Variants in ATP11C observed in about 807,000 individuals in gnomAD.
The protein encoded by ATP11C is phospholipid-transporting ATPase IG.
ATP11C carries 36 observed loss-of-function variants against 97.4 expected under a neutral mutation model. The observed-to-expected ratio is 0.37, with a 90% CI of 0.28 to 0.49. ATP11C has a LOEUF of 0.49. Among genes scored for constraint, ATP11C ranks in the 20% least tolerant of loss-of-function variants. ATP11C has a pLI of 0.98. For synonymous variants in ATP11C, 275 were observed against 290.9 expected (o/e 0.95, Z 0.56); for missense variants, 730 against 824.6 (o/e 0.89, Z 1.40).
At chrX:139,928,903 T>C (rs1368516257) in intron 1 of ATP11C, among the ~76,000 whole-genome samples, 7 of 112,215 alleles carry the variant, frequency 6.2e-5, no homozygotes, top group Admixed American at 1.9e-4. Context: ...AAATCTCTTA[T>C]TTTGAATCTT....
chrX:139,820,315 C>T (rs1050312786), intron 2 of ATP11C, among the ~76,000 whole-genome samples: 1 of 110,813 alleles, frequency 9.0e-6, no homozygotes, highest in African/African-American at 3.3e-5. Context: ...ACACGAGAAT[C>T]GCTTGAACCC....
At chrX:139,789,868 AG>A (rs2082652971) in intron 12 of ATP11C, among the ~76,000 whole-genome samples, 1 of 109,951 alleles carries the variant, frequency 9.1e-6, no homozygotes, top group Non-Finnish European at 1.9e-5. Flanking sequence ...CGTCTCTACT[AG>A]AAATACAAAA....
chrX:139,731,613 A>ATT, intron 29 of ATP11C, 38 bp downstream of exon 29: 1 of 943,277 alleles, frequency 1.1e-6, no homozygotes, highest in Non-Finnish European at 1.5e-6. Flanking sequence ...TGTTAATCCG[A>ATT]TTTTTTAAAG....
intron 1 of ATP11C, among the ~76,000 whole-genome samples, chrX:139,874,685 T>C (rs1361248590): frequency 9.3e-6 from 1 of 107,955 alleles, no homozygotes; most frequent in Non-Finnish European, 1.9e-5. Flanking sequence ...CCCAGGGAAC[T>C]TGTTCAAAAT....
At position 139,741,034 on chromosome X, in the gene ATP11C, C is replaced by T; in HGVS notation, c.3091G>A (p.Ala1031Thr). ...INHFVIWGSL[A>T]FYVFFSFFWG... ...AAGAATGAGAAAAATACATAGAAGGCTAAAGAACCCCAAATCACAAAGTGA... is the reference window on the plus strand; with the variant it reads ...AAGAATGAGAAAAATACATAGAAGGTTAAAGAACCCCAAATCACAAAGTGA... The change falls in exon 27 of 30, where the codon GCC becomes ACC. Residue 1031 changes from alanine to threonine, a missense_variant. Ala to Thr is a moderately conservative substitution (Grantham distance 58). Coordinates refer to ENST00000682941, the MANE Select transcript of ATP11C (RefSeq NM_001353812.2). 1 of 1,207,719 alleles carries T rather than the reference C, an allele frequency of 8.3e-7. No homozygotes were observed. The highest frequency in any genetic ancestry group is 1.1e-6 in the Non-Finnish European group (1 of 892,477).
intron 21 of ATP11C, 82 bp downstream of exon 21, chrX:139,763,234 G>A: frequency 1.4e-6 from 1 of 734,187 alleles, no homozygotes; most frequent in Non-Finnish European, 2.0e-6. Context: ...AACCAAAACA[G>A]TCACTCTAGA....
At chrX:139,923,537 T>C (rs973430727) in intron 1 of ATP11C, among the ~76,000 whole-genome samples, 3 of 112,227 alleles carry the variant, frequency 2.7e-5, no homozygotes, top group Middle Eastern at 4.2e-3. Context: ...AAGAAAGCTG[T>C]GATTCACATG....
At chrX:139,879,266 C>G (rs1161394382) in intron 1 of ATP11C, among the ~76,000 whole-genome samples, 1 of 110,315 alleles carries the variant, frequency 9.1e-6, no homozygotes, top group African/African-American at 3.3e-5. Flanking sequence ...TGGTCACAAC[C>G]TAAGTATCCA....
intron 5 of ATP11C, among the ~76,000 whole-genome samples, chrX:139,806,510 T>C (rs991855283): frequency 1.8e-5 from 2 of 111,799 alleles, no homozygotes; most frequent in African/African-American, 6.5e-5. Flanking sequence ...AACTGTTTCA[T>C]AACTGACCAA....
At chrX:139,852,982 G>A (rs1218169114) in intron 1 of ATP11C, among the ~76,000 whole-genome samples, 1 of 111,374 alleles carries the variant, frequency 9.0e-6, no homozygotes, top group Non-Finnish European at 1.9e-5. Context: ...TTGTGGGACA[G>A]GCAAGGCAAG....
intron 28 of ATP11C, chrX:139,732,441 C>G (rs751342602): frequency 2.8e-6 from 1 of 363,215 alleles, no homozygotes; most frequent in Non-Finnish European, 5.3e-6. Flanking sequence ...TCACCTTATT[C>G]ACTCCAAGAG....
chrX:139,803,165 CT>C (rs750938719), intron 6 of ATP11C, among the ~76,000 whole-genome samples: 14 of 112,123 alleles, frequency 1.2e-4, no homozygotes, highest in African/African-American at 4.2e-4. Flanking sequence ...AACAACTTAA[CT>C]GAAAAAAGAA....
rs1268581461 is a variant in ATP11C, at chrX:139,743,608, G to C, written c.2981C>G (p.Thr994Ser). The C allele has an allele frequency of 1.7e-6, 2 of 1,162,848 alleles. No individual in the cohort carries two copies. Among genetic ancestry groups the C allele is most frequent in the Non-Finnish European group, 2.3e-6 (2 of 860,549 alleles). Reference protein sequence around the residue: ...EENGKVYGNWTFGTIVFTVLV... With the variant: ...EENGKVYGNWSFGTIVFTVLV... ...GACTGTAAAAACAATGGTTCCAAAA[G>C]TCCAGTTTCCGTATACCTGAAAAAC... is the stretch of plus-strand genomic sequence containing the variant. The change falls in exon 26 of 30, where the codon ACT becomes AGT. Residue 994 changes from threonine (T) to serine (S), a missense_variant. Physicochemically the swap from Thr to Ser is moderately conservative, Grantham distance 58 (BLOSUM62 1). Transcript: ENST00000682941.
chrX:139,796,187 T>C, intron 12 of ATP11C, 86 bp downstream of exon 12: 1 of 682,035 alleles, frequency 1.5e-6, no homozygotes, highest in Non-Finnish European at 2.0e-6. Context: ...AAATGTGACA[T>C]GGTCACATAT....
intron 27 of ATP11C, among the ~76,000 whole-genome samples, 183 bp from the exon 28 acceptor site, chrX:139,738,252 A>C (rs955991549): frequency 2.7e-5 from 3 of 112,286 alleles, no homozygotes; most frequent in African/African-American, 9.7e-5. Context: ...TTTGGAAAAA[A>C]AGGAATGATA....
intron 1 of ATP11C, among the ~76,000 whole-genome samples, chrX:139,920,789 G>A (rs779718979): frequency 4.5e-5 from 5 of 111,983 alleles, no homozygotes; most frequent in African/African-American, 9.7e-5. Flanking sequence ...CCTGGTGTGC[G>A]TCTGTAAAAG....
Position 139,788,018 on chromosome X carries a change from A to C in ATP11C, c.1520+174T>G, listed in dbSNP as rs749143541. Among the ~76,000 whole-genome samples the C allele has an allele frequency of 1.3e-3, 150 of 112,489 alleles. 1 individual carries two copies. Among genetic ancestry groups the C allele is most frequent in the African/African-American group, 4.7e-3 (144 of 30,930 alleles). ...CTGTAACTATTTTCTTTTTAGTCTT[A>C]ACTGGTTAGGTGTGGGAATTTTCCA... On this transcript the variant is annotated intron_variant, in intron 14 of 29. Coordinates refer to ENST00000682941, the MANE Select transcript of ATP11C (RefSeq NM_001353812.2).
chrX:139,902,432 G>GGGA (rs1294734003), intron 1 of ATP11C, among the ~76,000 whole-genome samples: 1 of 111,090 alleles, frequency 9.0e-6, no homozygotes, highest in Non-Finnish European at 1.9e-5. Flanking sequence ...TTCCTGCCAA[G>GGGA]GGAGGACTAC....
intron 1 of ATP11C, among the ~76,000 whole-genome samples, chrX:139,918,081 G>T (rs924666401): frequency 5.5e-5 from 6 of 109,636 alleles, no homozygotes; most frequent in Non-Finnish European, 1.1e-4. Flanking sequence ...GTTGAAAACA[G>T]TACAGAAGTT....
Sources: gnomAD v4.1 joint callset for allele counts (sites outside exome capture counted in the v4.1 genomes callset) on GRCh38, gnomAD v4.1.1 for gene constraint, MANE v1.5 for transcripts, NCBI Gene and HGNC (gene_info 2026-07-23, HGNC 2026-07-21) for gene names.